The following ADAMTS2 variants were observed in gnomAD, a reference collection of about 807,000 sequenced individuals.
ADAMTS2 encodes the protein A disintegrin and metalloproteinase with thrombospondin motifs 2.
ADAMTS2 carries 50 observed loss-of-function variants against 123.0 expected under a neutral mutation model. The observed-to-expected ratio is 0.41, with a 90% CI of 0.32 to 0.51. The LOEUF (loss-of-function observed/expected upper bound fraction) is 0.51, where lower values mean the gene tolerates loss of function less well. Ranked by LOEUF, ADAMTS2 falls within the 20% of genes least tolerant of loss-of-function variation. The pLI, the probability that ADAMTS2 is intolerant of heterozygous loss-of-function variation, is 0.35. For synonymous variants in ADAMTS2, 678 were observed against 695.4 expected (o/e 0.98, Z 0.39); for missense variants, 1,494 against 1,705.2 (o/e 0.88, Z 2.18).
chr5:179,318,436 G>A (rs1757063012), intron 2 of ADAMTS2, among the ~76,000 whole-genome samples: 1 of 152,124 alleles, frequency 6.6e-6, no homozygotes, highest in Non-Finnish European at 1.5e-5. Flanking sequence ...GGCGGGGACA[G>A]CCAGGGACGG....
chr5:179,226,102 G>A (rs993845707), intron 3 of ADAMTS2, among the ~76,000 whole-genome samples: 11 of 152,190 alleles, frequency 7.2e-5, no homozygotes, highest in African/African-American at 2.4e-4. Context: ...CACCCCCATA[G>A]CACGCCCTGC....
chr5:179,189,161 G>T lies in ADAMTS2; in HGVS notation c.892-8006C>A, dbSNP rs1257201191. 6.6e-6 allele frequency among the ~76,000 whole-genome samples: 1 copy of T among 152,096 alleles called. No homozygotes were observed. Among genetic ancestry groups the T allele is most frequent in the Non-Finnish European group, 1.5e-5 (1 of 68,026 alleles). On this transcript the variant is annotated intron_variant, in intron 4 of 21. Transcript: ENST00000251582. This position sits in a 1 kb window ranked among gnomAD's most constrained non-coding sequence, Gnocchi z 4.2. Reference sequence around the variant, plus strand: ...GTCCCTGTGTCTCAGGGTTGTTTCAGGTTGAAGCAACAATGAAAATTATCA... The same window carrying T: ...GTCCCTGTGTCTCAGGGTTGTTTCATGTTGAAGCAACAATGAAAATTATCA...
chr5:179,214,452 T>C (rs592971), intron 3 of ADAMTS2, among the ~76,000 whole-genome samples: 37,229 of 152,088 alleles, frequency 0.24, 4,624 homozygotes, highest in Admixed American at 0.27. Flanking sequence ...TCAGAAGAAA[T>C]TGAAAGAGCA....
Position 179,229,059 on chromosome 5 carries a change from G to A in ADAMTS2, c.689-21344C>T, listed in dbSNP as rs955298954. Among the ~76,000 whole-genome samples, 16 of 152,204 alleles carry A rather than the reference G, an allele frequency of 1.1e-4. 1 individual carries two copies. The highest frequency in any genetic ancestry group is 3.4e-3 in the Middle Eastern group (1 of 294). ...TCAGGCACCTCCAGCTGTGCACCTC[G>A]GTCAGGCCACCCTCTCTCCGTCAGA... is the stretch of plus-strand genomic sequence containing the variant. On this transcript the variant is annotated intron_variant, in intron 3 of 21. Transcript: ENST00000251582.
At chr5:179,167,237 C>T (rs113246521) in intron 5 of ADAMTS2, among the ~76,000 whole-genome samples, 1 of 151,394 alleles carries the variant, frequency 6.6e-6, no homozygotes, top group Non-Finnish European at 1.5e-5. Context: ...TGCTGCCCCC[C>T]GCGCGGGGCG....
chr5:179,223,477 C>A (rs554898179), intron 3 of ADAMTS2, among the ~76,000 whole-genome samples: 1 of 151,982 alleles, frequency 6.6e-6, no homozygotes, highest in East Asian at 1.9e-4. Context: ...TGCACTCACA[C>A]ACAAATGGAC....
chr5:179,239,946 G>A (rs1765623583), intron 3 of ADAMTS2, among the ~76,000 whole-genome samples: 1 of 152,286 alleles, frequency 6.6e-6, no homozygotes, highest in Non-Finnish European at 1.5e-5. Flanking sequence ...TGATGACCTC[G>A]GGGAGGGTGC....
In ADAMTS2 at chr5:179,285,366, G is replaced by A. The variant is rs1581246553; in HGVS notation, c.535-12302C>T. ...GATGCCGACAAGAATGCCTCACGGG[G>A]CCAGCGCAGGGGCCAGCCAGGCGGC... On this transcript the variant is annotated intron_variant, in intron 2 of 21. Transcript: ENST00000251582. This position sits in a 1 kb window ranked among gnomAD's most constrained non-coding sequence, Gnocchi z 4.9. Among the ~76,000 whole-genome samples, 1 of 150,180 alleles carries A rather than the reference G, an allele frequency of 6.7e-6. No homozygotes were observed. The highest frequency in any genetic ancestry group is 2.5e-5 in the African/African-American group (1 of 39,526).
At chr5:179,150,699 A>G (rs774808419) in intron 10 of ADAMTS2, among the ~76,000 whole-genome samples, 2 of 152,222 alleles carry the variant, frequency 1.3e-5, no homozygotes, top group African/African-American at 2.4e-5. Context: ...TTCCATTTAT[A>G]TGAAATTCCG....
chr5:179,279,024 A>C (rs1349806202), intron 2 of ADAMTS2, among the ~76,000 whole-genome samples: 1 of 151,992 alleles, frequency 6.6e-6, no homozygotes, highest in East Asian at 1.9e-4. Context: ...CACAGGAAAC[A>C]CAAGCATGCA....
At position 179,170,616 on chromosome 5, in the gene ADAMTS2, C is replaced by T. The variant is rs527295281; in HGVS notation, c.975+10456G>A. 1.6e-4 allele frequency among the ~76,000 whole-genome samples: 24 copies of T among 152,252 alleles called. No individual in the cohort carries two copies. Among genetic ancestry groups the T allele is most frequent in the Admixed American group, 7.2e-4 (11 of 15,300 alleles). On this transcript the variant is annotated intron_variant, in intron 5 of 21. Coordinates refer to ENST00000251582, the MANE Select transcript of ADAMTS2 (RefSeq NM_014244.5). The surrounding 1 kb of genome is among the most constrained non-coding windows in gnomAD (Gnocchi z 4.3). ...TCTGTGAGCAAAAGGGGTCTGTTCC[C>T]TTGGACACAGGAGCTAGGCCTTTTG...
rs1042552096 is a variant in ADAMTS2, at chr5:179,234,976, C to T, written c.689-27261G>A. Among the ~76,000 whole-genome samples the T allele has an allele frequency of 2.6e-5, 4 of 152,230 alleles. No homozygotes were observed. The highest frequency in any genetic ancestry group is 1.5e-5 in the Non-Finnish European group (1 of 68,042). ...CTGCCAACCCTCCCAGGGACCTGCT[C>T]ATGTTCCCGCAACGCCCTTACAGCC... is the stretch of plus-strand genomic sequence containing the variant. On this transcript the variant is annotated intron_variant, in intron 3 of 21. Transcript: ENST00000251582. This position sits in a 1 kb window ranked among gnomAD's most constrained non-coding sequence, Gnocchi z 4.7.
In ADAMTS2 at chr5:179,328,437, T is replaced by C. The variant is rs555133795; in HGVS notation, c.534+15330A>G. 7.5e-4 allele frequency among the ~76,000 whole-genome samples: 114 copies of C among 152,336 alleles called. 2 individuals are homozygous for C. The highest frequency in any genetic ancestry group is 2.7e-3 in the African/African-American group (111 of 41,582). On this transcript the variant is annotated intron_variant, in intron 2 of 21. Transcript: ENST00000251582. ...CTAAGACATGGGAAGATGCAGGTCA[T>C]TGGGAGCAAAGGATCTGAAGCAGGG...
At chr5:179,177,248 A>G (rs1433237739) in intron 5 of ADAMTS2, among the ~76,000 whole-genome samples, 1 of 152,242 alleles carries the variant, frequency 6.6e-6, no homozygotes, top group Non-Finnish European at 1.5e-5. Flanking sequence ...CAATCTCCAC[A>G]TTCCTAGGAT....
At chr5:179,296,818 G>A (rs1170168281) in intron 2 of ADAMTS2, among the ~76,000 whole-genome samples, 1 of 152,144 alleles carries the variant, frequency 6.6e-6, no homozygotes, top group Admixed American at 6.5e-5. Flanking sequence ...CCGAAAAAAG[G>A]ACGGGCCACT....
chr5:179,210,577 G>T (rs1413058589), intron 3 of ADAMTS2, among the ~76,000 whole-genome samples: 2 of 152,224 alleles, frequency 1.3e-5, no homozygotes, highest in African/African-American at 2.4e-5. Flanking sequence ...AGGCCCAAAG[G>T]CAAAGTGGGT....
intron 2 of ADAMTS2, among the ~76,000 whole-genome samples, chr5:179,309,757 CAAAAAA>C (rs34487269): frequency 2.2e-5 from 1 of 44,448 alleles, no homozygotes; most frequent in Non-Finnish European, 4.4e-5. Flanking sequence ...ACTCAGTCTC[CAAAAAA>C]AAAAAAAAAA....
chr5:179,328,960 G>A (rs1473418674), intron 2 of ADAMTS2, among the ~76,000 whole-genome samples: 1 of 152,132 alleles, frequency 6.6e-6, no homozygotes, highest in African/African-American at 2.4e-5. Flanking sequence ...TCACGATGGT[G>A]ATACTTGCCC....
chr5:179,266,847 G>C lies in ADAMTS2; in HGVS notation c.688+6064C>G, dbSNP rs972862459. Among the ~76,000 whole-genome samples, 72 of 152,206 alleles carry C rather than the reference G, an allele frequency of 4.7e-4. 4 individuals are homozygous for C. ...GCTATCTGCTCGCCACTGAATGGAT[G>C]AGTCTCGCCTGCTCCCCAGTCCTGT... On this transcript the variant is annotated intron_variant, in intron 3 of 21. Coordinates refer to ENST00000251582, the MANE Select transcript of ADAMTS2 (RefSeq NM_014244.5).
Sources: gnomAD v4.1 joint callset for allele counts (sites outside exome capture counted in the v4.1 genomes callset) on GRCh38, gnomAD v4.1.1 for gene constraint, Gnocchi (gnomAD v3.1) non-coding constraint, MANE v1.5 for transcripts, NCBI Gene and HGNC (gene_info 2026-07-23, HGNC 2026-07-21) for gene names.